Variants in PCDHA1 observed in about 807,000 individuals in gnomAD.
PCDHA1 encodes protocadherin alpha 1.
PCDHA1 carries 42 observed loss-of-function variants against 61.3 expected under a neutral mutation model. The ratio of observed to expected loss-of-function variants is 0.69; its 90% CI spans 0.54 to 0.89. PCDHA1 has a LOEUF of 0.89. Among genes scored for constraint, PCDHA1 ranks in the 40% least tolerant of loss-of-function variants. The pLI is 0.00. For synonymous variants in PCDHA1, 610 were observed against 553.8 expected (o/e 1.10, Z -1.43); for missense variants, 1,256 against 1,235.3 (o/e 1.02, Z -0.25).
intron 1 of PCDHA1, among the ~76,000 whole-genome samples, chr5:140,978,640 G>T (rs1339340351): frequency 6.6e-6 from 1 of 152,252 alleles, no homozygotes; most frequent in African/African-American, 2.4e-5. Flanking sequence ...TCTCAAAGCA[G>T]ACTGTTCTTC....
chr5:140,983,754 A>T (rs2097065978), intron 3 of PCDHA1, among the ~76,000 whole-genome samples: 3 of 152,210 alleles, frequency 2.0e-5, no homozygotes. Flanking sequence ...AATCCATTCA[A>T]ATTCAAATAC....
At position 140,876,889 on chromosome 5, in the gene PCDHA1, C is replaced by G. The variant is rs1409299527; in HGVS notation, c.2394+88205C>G. On this transcript the variant is annotated intron_variant, in intron 1 of 3. Coordinates refer to ENST00000504120, the MANE Select transcript of PCDHA1 (RefSeq NM_018900.4). ...GAAGGAGAACAACCCGCCGGGCTGC[C>G]ACATCTTCACGGTGTCGGCATGGGA... 3.1e-6 allele frequency: 5 copies of G among 1,613,996 alleles called. No homozygotes were observed. In the African/African-American group the frequency reaches 6.7e-5, roughly 22 times the overall value.
At chr5:140,928,220 C>G in intron 1 of PCDHA1, 1 of 1,614,166 alleles carries the variant, frequency 6.2e-7, no homozygotes. Context: ...GACAATACAC[C>G]AAACTTTCCT....
intron 2 of PCDHA1, among the ~76,000 whole-genome samples, chr5:140,980,152 C>G (rs1554241475): frequency 6.6e-6 from 1 of 152,040 alleles, no homozygotes; most frequent in African/African-American, 2.4e-5. Context: ...CATGCATATA[C>G]CAGAATATTA....
chr5:140,917,746 G>T (rs1200600528), intron 1 of PCDHA1, among the ~76,000 whole-genome samples: 2 of 152,122 alleles, frequency 1.3e-5, no homozygotes, highest in Non-Finnish European at 2.9e-5. Context: ...CTGTCCCATT[G>T]GTCTATGTGT....
Position 140,877,055 on chromosome 5 carries a change from T to C in PCDHA1, c.2394+88371T>C, listed in dbSNP as rs566250084. 7 of 1,612,792 alleles carry C rather than the reference T, an allele frequency of 4.3e-6. No homozygotes were observed. The Admixed American group carries it at 5.0e-5, about 12-fold the overall frequency. On this transcript the variant is annotated intron_variant, in intron 1 of 3. Coordinates refer to ENST00000504120, the MANE Select transcript of PCDHA1 (RefSeq NM_018900.4). ...CTGCAGCCGCTAGACCACGAGGAGC[T>C]GGAGCTGCTGCAGTTCCAGGTGAGC... is the stretch of plus-strand genomic sequence containing the variant.
At chr5:140,803,106 C>T (rs781825644) in intron 1 of PCDHA1, 5 of 1,613,860 alleles carry the variant, frequency 3.1e-6, no homozygotes, top group East Asian at 2.2e-5. Flanking sequence ...GACCCGTGCC[C>T]TGGACGAGGT....
intron 1 of PCDHA1, chr5:140,882,266 A>G (rs1471101520): frequency 6.2e-7 from 1 of 1,610,426 alleles, no homozygotes; most frequent in South Asian, 1.1e-5. Flanking sequence ...TTTGGAGTGT[A>G]CCATGCTGTC....
chr5:140,842,007 T>C (rs2150327218), intron 1 of PCDHA1: 2 of 1,613,612 alleles, frequency 1.2e-6, no homozygotes, highest in East Asian at 2.2e-5. Flanking sequence ...GTTCAGCTGC[T>C]GGTCACAGTG....
intron 1 of PCDHA1, chr5:140,929,574 G>A: frequency 2.2e-6 from 1 of 448,534 alleles, no homozygotes; most frequent in Non-Finnish European, 3.9e-6. Flanking sequence ...AACAATAAAA[G>A]TAATATGACA....
chr5:140,829,969 G>T, intron 1 of PCDHA1: 1 of 1,614,010 alleles, frequency 6.2e-7, no homozygotes, highest in South Asian at 1.1e-5. Flanking sequence ...GCGTGGGGCT[G>T]TACACGGGCG....
At chr5:140,830,287 C>A in intron 1 of PCDHA1, 1 of 1,613,846 alleles carries the variant, frequency 6.2e-7, no homozygotes. Context: ...AGGGCGCGTG[C>A]ACGGCGGACA....
At chr5:140,958,530 A>G (rs1283308982) in intron 1 of PCDHA1, among the ~76,000 whole-genome samples, 1 of 152,188 alleles carries the variant, frequency 6.6e-6, no homozygotes, top group East Asian at 1.9e-4. Flanking sequence ...TACTATGTGT[A>G]CATTGATTTA....
intron 1 of PCDHA1, among the ~76,000 whole-genome samples, chr5:140,818,459 C>G (rs1271079374): frequency 6.6e-6 from 1 of 152,184 alleles, no homozygotes; most frequent in African/African-American, 2.4e-5. Context: ...TCAAAAGAAA[C>G]TTTCCTCCCA....
chr5:140,788,734 T>A, intron 1 of PCDHA1, 50 bp downstream of exon 1: 2 of 1,491,404 alleles, frequency 1.3e-6, no homozygotes, highest in South Asian at 2.8e-5. Flanking sequence ...ATATTTAACT[T>A]GTCTAATCAT....
intron 1 of PCDHA1, chr5:140,858,707 A>T: frequency 3.7e-6 from 2 of 547,914 alleles, no homozygotes; most frequent in South Asian, 2.5e-5. Flanking sequence ...CAAATATGTG[A>T]TATAGGTTGC....
chr5:141,003,017 G>T (rs1398844749), intron 3 of PCDHA1, among the ~76,000 whole-genome samples: 1 of 152,240 alleles, frequency 6.6e-6, no homozygotes, highest in Non-Finnish European at 1.5e-5. Flanking sequence ...GGGAAAGTCA[G>T]TGTAAATCAG....
At chr5:140,988,851 C>T (rs2097316213) in intron 3 of PCDHA1, 1 of 152,174 alleles carries the variant, frequency 6.6e-6, no homozygotes, top group Admixed American at 6.5e-5. Context: ...TGAAACCTAT[C>T]CAGTCTCATG....
In PCDHA1 at chr5:140,856,431, A is replaced by G. The variant is rs782173275; in HGVS notation, c.2394+67747A>G. 21 of 1,597,862 alleles carry G rather than the reference A, an allele frequency of 1.3e-5. 4 individuals are homozygous for G. In the South Asian group the frequency reaches 2.2e-4, roughly 17 times the overall value. On this transcript the variant is annotated intron_variant, in intron 1 of 3. Transcript: ENST00000504120. ...GTGGAAGTGAAGGACATTAACGACA[A>G]CCCGCCCAGGTTCTCCGTAACAGAA...
Sources: gnomAD v4.1 joint callset for allele counts (sites outside exome capture counted in the v4.1 genomes callset) on GRCh38, gnomAD v4.1.1 for gene constraint, MANE v1.5 for transcripts, NCBI Gene and HGNC (gene_info 2026-07-23, HGNC 2026-07-21) for gene names.